Variants in INTS9 observed in about 807,000 individuals in gnomAD.
INTS9 encodes the protein integrator complex subunit 9, also known as protein related to CPSF subunits of 74 kDa.
In INTS9, 55 loss-of-function variants were observed where a neutral mutation model predicts 79.7. The ratio of observed to expected loss-of-function variants is 0.69; its 90% CI spans 0.56 to 0.86. The LOEUF (loss-of-function observed/expected upper bound fraction) is 0.86, where lower values mean the gene tolerates loss of function less well. Among genes scored for constraint, INTS9 ranks in the 40% least tolerant of loss-of-function variants. INTS9 has a pLI of 0.00. For synonymous variants in INTS9, 319 were observed against 325.2 expected (o/e 0.98, Z 0.20); for missense variants, 721 against 831.5 (o/e 0.87, Z 1.64).
At chr8:28,800,396 G>A (rs187359354) in intron 8 of INTS9, among the ~76,000 whole-genome samples, 11 of 152,230 alleles carry the variant, frequency 7.2e-5, no homozygotes, top group East Asian at 5.8e-4. Flanking sequence ...ACTTTGGGCC[G>A]GAGAAAGGAG....
intron 12 of INTS9, chr8:28,780,505 G>A: frequency 1.0e-6 from 1 of 985,362 alleles, no homozygotes; most frequent in Non-Finnish European, 1.2e-6. Context: ...ATTCCTAACA[G>A]GTAAAACAAC....
chr8:28,805,285 C>T (rs781409012), intron 8 of INTS9, among the ~76,000 whole-genome samples: 1 of 152,086 alleles, frequency 6.6e-6, no homozygotes, highest in Non-Finnish European at 1.5e-5. Context: ...GTCATATTTC[C>T]AAAGCTTTAT....
At chr8:28,884,113 C>A (rs545913599) in intron 1 of INTS9, among the ~76,000 whole-genome samples, 2 of 145,774 alleles carry the variant, frequency 1.4e-5, no homozygotes, top group South Asian at 4.5e-4. Flanking sequence ...CATAGGTAAG[C>A]CAGATTTTTT....
At chr8:28,777,749 C>T (rs1463931423) in intron 13 of INTS9, 80 bp downstream of exon 13, 20 of 1,464,310 alleles carry the variant, frequency 1.4e-5, no homozygotes, top group Admixed American at 2.4e-5. Flanking sequence ...AGCTAGATCT[C>T]TCTCCCCTCA....
At position 28,866,406 on chromosome 8, in the gene INTS9, T is replaced by C. The variant is rs567228155; in HGVS notation, c.10-6843A>G. On this transcript the variant is annotated intron_variant, in intron 1 of 16. Coordinates refer to ENST00000521022, the MANE Select transcript of INTS9 (RefSeq NM_018250.4). ...TTTGAGACCATTTTATGTTGATTTCTCAGCTTATATATCTGTACTATAAGG... is the reference window on the plus strand; with the variant it reads ...TTTGAGACCATTTTATGTTGATTTCCCAGCTTATATATCTGTACTATAAGG... 2.6e-5 allele frequency among the ~76,000 whole-genome samples: 4 copies of C among 152,264 alleles called. No individual in the cohort carries two copies. The East Asian group carries it at 7.7e-4, about 29-fold the overall frequency.
In INTS9 at chr8:28,805,478, G is replaced by A. The variant is rs1804757268; in HGVS notation, c.744+6849C>T. Reference sequence around the variant, plus strand: ...AAGTCAATCTAGCAGGATGTTATGAGATCCTGTTTATGGAAAGTAAGGTTG... The same window carrying A: ...AAGTCAATCTAGCAGGATGTTATGAAATCCTGTTTATGGAAAGTAAGGTTG... On this transcript the variant is annotated intron_variant, in intron 8 of 16. Coordinates refer to ENST00000521022, the MANE Select transcript of INTS9 (RefSeq NM_018250.4). 2.0e-5 allele frequency among the ~76,000 whole-genome samples: 3 copies of A among 152,200 alleles called. No homozygotes were observed. The South Asian group carries it at 6.2e-4, about 31-fold the overall frequency.
At chr8:28,815,159 A>C (rs1417771778) in intron 6 of INTS9, among the ~76,000 whole-genome samples, 2 of 152,208 alleles carry the variant, frequency 1.3e-5, no homozygotes, top group East Asian at 1.9e-4. Context: ...TAGAAAAATA[A>C]GATAGTATAG....
chr8:28,879,445 C>T (rs1205180634), intron 1 of INTS9, among the ~76,000 whole-genome samples: 2 of 152,142 alleles, frequency 1.3e-5, no homozygotes, highest in Non-Finnish European at 2.9e-5. Flanking sequence ...CTATGAAAAA[C>T]GTACAGTTCA....
intron 6 of INTS9, 63 bp downstream of exon 6, chr8:28,835,228 TG>T (rs1806734445): frequency 2.9e-6 from 3 of 1,047,226 alleles, no homozygotes; most frequent in Admixed American, 4.3e-5. Context: ...AGAAATCAAA[TG>T]AGACTGCTTT....
chr8:28,850,334 A>G, intron 2 of INTS9, 61 bp from the exon 3 acceptor site: 1 of 1,342,422 alleles, frequency 7.4e-7, no homozygotes, highest in Non-Finnish European at 1.1e-6. Context: ...CAATGACTTC[A>G]TGGTAACTTA....
chr8:28,880,306 C>G (rs866338791), intron 1 of INTS9, among the ~76,000 whole-genome samples: 2 of 149,762 alleles, frequency 1.3e-5, no homozygotes, highest in South Asian at 2.1e-4. Flanking sequence ...CCTCTGATGC[C>G]GAGCCAAAGC....
chr8:28,775,460 C>T (rs1461298183), intron 14 of INTS9, among the ~76,000 whole-genome samples: 1 of 152,136 alleles, frequency 6.6e-6, no homozygotes, highest in Non-Finnish European at 1.5e-5. Context: ...TTCAGCCTCA[C>T]GAGTAGCTGG....
intron 12 of INTS9, among the ~76,000 whole-genome samples, chr8:28,779,577 A>G (rs1434998214): frequency 6.6e-6 from 1 of 152,204 alleles, no homozygotes; most frequent in South Asian, 2.1e-4. Flanking sequence ...CTAGATAAGA[A>G]TGAGTTAAGA....
intron 4 of INTS9, among the ~76,000 whole-genome samples, chr8:28,839,521 T>C (rs903748528): frequency 4.6e-5 from 7 of 152,162 alleles, no homozygotes; most frequent in South Asian, 2.1e-4. Flanking sequence ...GGAGGCATCA[T>C]GCTACCTGAC....
Position 28,775,812 on chromosome 8 carries a change from C to T in INTS9, c.1510G>A (p.Val504Ile), listed in dbSNP as rs1802836607. Residue 504 changes from valine to isoleucine, a missense_variant, in exon 14 of 17, where the codon GTT becomes ATT. By Grantham distance (29) the Val-to-Ile change is conservative. This residue lies in a region of INTS9 where 281 missense variants were observed against 300.8 expected (regional missense o/e 0.93). Transcript: ENST00000521022. ...PPAMSYRRAE[V>I]LALPFKRRYE... ...CGACGTTTGAAGGGCAGGGCGAGAA[C>T]CTCAGCCCGCCGATAGGACATGGCG... 1 of 1,613,094 alleles carries T rather than the reference C, an allele frequency of 6.2e-7. No homozygotes were observed. The highest frequency in any genetic ancestry group is 8.5e-7 in the Non-Finnish European group (1 of 1,179,448).
chr8:28,830,052 G>GA (rs11389846), intron 6 of INTS9, among the ~76,000 whole-genome samples: 59,392 of 137,548 alleles, frequency 0.43, 13,282 homozygotes, highest in Non-Finnish European at 0.53. Context: ...CAAGAATGAA[G>GA]AAAAAAAAAA....
At chr8:28,809,170 G>A (rs1166663295) in intron 8 of INTS9, among the ~76,000 whole-genome samples, 1 of 152,006 alleles carries the variant, frequency 6.6e-6, no homozygotes. Context: ...TGTTGCCCAG[G>A]CTGGTCTCCA....
chr8:28,797,589 T>C (rs1054698197), intron 8 of INTS9, among the ~76,000 whole-genome samples: 2 of 152,202 alleles, frequency 1.3e-5, no homozygotes, highest in African/African-American at 4.8e-5. Context: ...TCACCACAGC[T>C]TGAATGTAAT....
intron 4 of INTS9, among the ~76,000 whole-genome samples, chr8:28,846,515 G>A (rs755091420): frequency 2.6e-5 from 4 of 152,044 alleles, no homozygotes; most frequent in Non-Finnish European, 4.4e-5. Context: ...GTATTAGTGG[G>A]GATTACAGAA....
Sources: gnomAD v4.1 joint callset for allele counts (sites outside exome capture counted in the v4.1 genomes callset) on GRCh38, gnomAD v4.1.1 for gene constraint, gnomAD v4.1.1 regional missense constraint, MANE v1.5 for transcripts, NCBI Gene and HGNC (gene_info 2026-07-23, HGNC 2026-07-21) for gene names.